Variants in NOD1 observed in about 807,000 individuals in gnomAD.
NOD1 encodes the protein nucleotide binding oligomerization domain containing 1.
A neutral mutation model predicts 81.2 loss-of-function variants in NOD1; 70 were observed. That is an observed-to-expected ratio of 0.86 (90% CI 0.71 to 1.05). NOD1 has a LOEUF of 1.05. Ranked by LOEUF, NOD1 falls within the 50% of genes least tolerant of loss-of-function variation. The pLI, the probability that NOD1 is intolerant of heterozygous loss-of-function variation, is 0.00. For synonymous variants in NOD1, 508 were observed against 526.9 expected (o/e 0.96, Z 0.49); for missense variants, 1,233 against 1,228.0 (o/e 1.00, Z -0.06).
chr7:30,437,901 G>A (rs528563977), intron 9 of NOD1, among the ~76,000 whole-genome samples: 31 of 152,328 alleles, frequency 2.0e-4, no homozygotes, highest in Admixed American at 6.5e-4. Context: ...AGAGGCCATC[G>A]GCAAGTGGCA....
intron 12 of NOD1, among the ~76,000 whole-genome samples, chr7:30,432,818 T>C (rs749550630): frequency 2.0e-5 from 3 of 152,216 alleles, no homozygotes; most frequent in African/African-American, 4.8e-5. Context: ...TCCATTTATA[T>C]GAAATGCCCA....
chr7:30,456,617 C>T (rs113482484), intron 4 of NOD1, 104 bp downstream of exon 4: 20 of 998,346 alleles, frequency 2.0e-5, no homozygotes, highest in African/African-American at 1.4e-4. Context: ...CAGCCCTGCC[C>T]GCTGGACTAA....
chr7:30,459,738 G>C (rs1786812844), intron 2 of NOD1, among the ~76,000 whole-genome samples, 163 bp downstream of exon 2: 1 of 152,186 alleles, frequency 6.6e-6, no homozygotes, highest in South Asian at 2.1e-4. Context: ...TCATCACAAG[G>C]CTGAGAGAAA....
At position 30,451,912 on chromosome 7, in the gene NOD1, G is replaced by C; in HGVS notation, c.1505C>G (p.Pro502Arg). The C allele has an allele frequency of 6.2e-7, 1 of 1,613,514 alleles. No individual in the cohort carries two copies. The part of the protein sequence containing the change: ...DMQLGFLRAL[P>R]ELGPGGDQQS... ...CTGGTCACCCCCGGGGCCCAGCTCC[G>C]GCAAAGCCCGCAGGAAGCCCAGCTG... Residue 502 changes from proline to arginine, a missense_variant, in exon 6 of 14, where the codon CCG (proline) becomes CGG (arginine). Physicochemically the swap from Pro to Arg is moderately radical, Grantham distance 103. Coordinates refer to ENST00000222823, the MANE Select transcript of NOD1 (RefSeq NM_006092.4). This position sits in a 1 kb window ranked among gnomAD's most constrained non-coding sequence, Gnocchi z 4.2.
rs369523004 is a variant in NOD1 at position 30,446,926 on chromosome 7, C to A, written c.2369+41G>T. The A allele has an allele frequency of 6.8e-5, 101 of 1,485,080 alleles. No homozygotes were observed. The African/African-American group carries it at 1.3e-3, about 19-fold the overall frequency. The allele number at this position is 1,485,080 out of a possible 1,614,324, so 92.0% of individuals were successfully genotyped here. ...TCTTTGAACAACAGAAGGGGGTGAT[C>A]AAGAGAATATACTAAGGAACCTGGT... On this transcript the variant is annotated intron_variant, in intron 8 of 13. Transcript: ENST00000222823.
chr7:30,436,631 A>C (rs1784404453), intron 10 of NOD1, among the ~76,000 whole-genome samples: 1 of 152,218 alleles, frequency 6.6e-6, no homozygotes, highest in Non-Finnish European at 1.5e-5. Context: ...AGGACAAGGA[A>C]GGGGCAGGAA....
intron 10 of NOD1, 59 bp downstream of exon 10, chr7:30,437,514 A>G (rs1397467553): frequency 4.4e-6 from 5 of 1,137,004 alleles, no homozygotes; most frequent in Non-Finnish European, 6.0e-6. Flanking sequence ...TTCCCCAGCA[A>G]ACCTAGAGCA....
chr7:30,471,828 C>T (rs1008408080), intron 1 of NOD1, among the ~76,000 whole-genome samples: 12 of 152,204 alleles, frequency 7.9e-5, no homozygotes, highest in Non-Finnish European at 1.2e-4. Context: ...CTAGTCCATC[C>T]ACTGAAGCTC....
rs369740466 is a variant in NOD1, at chr7:30,456,913, C to A, written c.9G>T (p.Glu3Asp). 1.2e-6 allele frequency: 2 copies of A among 1,614,006 alleles called. No homozygotes were observed. The change falls in exon 4 of 14, where the codon GAG becomes GAT. Residue 3 changes from glutamate to aspartate, a missense_variant. Coordinates refer to ENST00000222823, the MANE Select transcript of NOD1 (RefSeq NM_006092.4). ...TTATTTCCATCTCACTGTGGCCCTG[C>A]TCTTCCATAGTTAAAGTAGCAAGCG... ME[E>D]QGHSEMEIIP...
chr7:30,470,674 C>A (rs1034149760), intron 1 of NOD1, among the ~76,000 whole-genome samples: 2 of 152,196 alleles, frequency 1.3e-5, no homozygotes, highest in Non-Finnish European at 2.9e-5. Context: ...ATTGCCTGTG[C>A]GACCACTTGG....
chr7:30,458,578 A>C (rs7799575), intron 3 of NOD1, among the ~76,000 whole-genome samples: 1 of 152,138 alleles, frequency 6.6e-6, no homozygotes, highest in African/African-American at 2.4e-5. Flanking sequence ...CAGACCCCAC[A>C]CAATAGCTTT....
chr7:30,431,108 G>C (rs1039290283), intron 12 of NOD1, among the ~76,000 whole-genome samples: 1 of 152,176 alleles, frequency 6.6e-6, no homozygotes, highest in Non-Finnish European at 1.5e-5. Context: ...CCACCCACTC[G>C]GGCTGCCTTC....
chr7:30,431,567 G>T (rs1378899951), intron 12 of NOD1, among the ~76,000 whole-genome samples: 1 of 152,232 alleles, frequency 6.6e-6, no homozygotes, highest in Non-Finnish European at 1.5e-5. Flanking sequence ...TTCAACACGT[G>T]GTGCTGCCGG....
Position 30,452,663 on chromosome 7 carries a change from C to T in NOD1, c.754G>A (p.Asp252Asn), listed in dbSNP as rs2128056083. 6.2e-7 allele frequency: 1 copy of T among 1,613,852 alleles called. No homozygotes were observed. Among genetic ancestry groups the T allele is most frequent in the South Asian group, 1.1e-5 (1 of 91,084 alleles). ...FKESDRLCLQ[D>N]LLFKHYCYPE... ...TAGCAGTAGTGCTTGAAGAGCAGGT[C>T]CTGCAGACACAGCCTGTCACTTTCC... Residue 252 changes from aspartate to asparagine, a missense_variant, in exon 6 of 14, where the codon GAC becomes AAC. By Grantham distance (23) the Asp-to-Asn change is conservative. Transcript: ENST00000222823.
chr7:30,475,670 C>T (rs1057255356), intron 1 of NOD1, among the ~76,000 whole-genome samples: 14 of 152,192 alleles, frequency 9.2e-5, no homozygotes, highest in Admixed American at 3.9e-4. Context: ...AGAGAAGGGC[C>T]GGTGGCATGC....
chr7:30,448,271 G>A (rs987167845), intron 7 of NOD1, 27 bp downstream of exon 7: 1 of 1,539,576 alleles, frequency 6.5e-7, no homozygotes, highest in Non-Finnish European at 9.0e-7. Flanking sequence ...CTAGGTAGTT[G>A]GCCCAGTGTT....
intron 3 of NOD1, among the ~76,000 whole-genome samples, chr7:30,457,831 C>T (rs544096697): frequency 3.3e-5 from 5 of 152,226 alleles, no homozygotes; most frequent in African/African-American, 7.2e-5. Context: ...AACCTGCGGA[C>T]GGTGATGTCT....
At chr7:30,459,472 T>C (rs1786779642) in intron 2 of NOD1, among the ~76,000 whole-genome samples, 1 of 152,250 alleles carries the variant, frequency 6.6e-6, no homozygotes, top group Admixed American at 6.5e-5. Flanking sequence ...CTTAACCTTT[T>C]GCTTTCAATT....
intron 13 of NOD1, among the ~76,000 whole-genome samples, chr7:30,427,312 C>G (rs7794325): frequency 0.076 from 11,596 of 152,254 alleles, 1,317 homozygotes; most frequent in African/African-American, 0.25. Context: ...CAAGGGACTT[C>G]AGACTTCCAA....
Sources: gnomAD v4.1 joint callset for allele counts (sites outside exome capture counted in the v4.1 genomes callset) on GRCh38, gnomAD v4.1.1 for gene constraint, Gnocchi (gnomAD v3.1) non-coding constraint, MANE v1.5 for transcripts, NCBI Gene and HGNC (gene_info 2026-07-23, HGNC 2026-07-21) for gene names.